Variants in RUFY1 observed in about 807,000 individuals in gnomAD.
The protein encoded by RUFY1 is RUN and FYVE domain-containing protein 1.
In RUFY1, 54 loss-of-function variants were observed where a neutral mutation model predicts 94.6. That is an observed-to-expected ratio of 0.57 (90% CI 0.46 to 0.72). The LOEUF (loss-of-function observed/expected upper bound fraction) is 0.72, where lower values mean the gene tolerates loss of function less well. Among genes scored for constraint, RUFY1 ranks in the 30% least tolerant of loss-of-function variants. The probability of loss-of-function intolerance (pLI) is 0.00; values close to 1 mark genes in which losing one functional copy is unlikely to be tolerated. For missense variants in RUFY1, 883 were observed against 883.9 expected (o/e 1.00, Z 0.01); for synonymous variants, 396 against 347.3 (o/e 1.14, Z -1.56).
chr5:179,584,093 A>G (rs1764410637), intron 7 of RUFY1, among the ~76,000 whole-genome samples: 1 of 152,254 alleles, frequency 6.6e-6, no homozygotes, highest in Admixed American at 6.5e-5. Flanking sequence ...TTTCTAAATT[A>G]TCAAGTTGGC....
chr5:179,551,289 C>A (rs1383126855), intron 1 of RUFY1, among the ~76,000 whole-genome samples: 2 of 152,230 alleles, frequency 1.3e-5, no homozygotes, highest in Non-Finnish European at 2.9e-5. Context: ...GCGGCGCCTC[C>A]GCTCACCTCT....
chr5:179,593,076 T>C (rs1482366622), intron 10 of RUFY1, among the ~76,000 whole-genome samples: 1 of 152,116 alleles, frequency 6.6e-6, no homozygotes, highest in African/African-American at 2.4e-5. Flanking sequence ...GTTTGTTTGT[T>C]TTGTTTTGGT....
intron 4 of RUFY1, among the ~76,000 whole-genome samples, chr5:179,568,733 T>C (rs1763010771): frequency 6.6e-6 from 1 of 152,232 alleles, no homozygotes; most frequent in South Asian, 2.1e-4. Flanking sequence ...AAAAGTCTTA[T>C]ACGCACACAC....
rs539413834 is a variant in RUFY1 at position 179,594,042 on chromosome 5, C to T, written c.1413+397C>T. Among the ~76,000 whole-genome samples the T allele has an allele frequency of 4.6e-5, 7 of 151,986 alleles. No homozygotes were observed. The East Asian group carries it at 5.8e-4, about 13-fold the overall frequency. On this transcript the variant is annotated intron_variant, in intron 11 of 17. Coordinates refer to ENST00000319449, the MANE Select transcript of RUFY1 (RefSeq NM_025158.5). ...ATTTAGAGCCAGGCACGGTGGCTCA[C>T]GCTTGTAATCCCAGCACTTTGGGAG...
intron 10 of RUFY1, among the ~76,000 whole-genome samples, chr5:179,592,091 C>T (rs1431271561): frequency 2.0e-5 from 3 of 151,410 alleles, no homozygotes; most frequent in East Asian, 1.9e-4. Flanking sequence ...ATTGCAGGCA[C>T]CCGCCACCAC....
At chr5:179,566,332 A>C (rs1038343966) in intron 3 of RUFY1, among the ~76,000 whole-genome samples, 1 of 151,962 alleles carries the variant, frequency 6.6e-6, no homozygotes, top group Non-Finnish European at 1.5e-5. Flanking sequence ...CACCTTCAAG[A>C]TTGGGGCCAG....
In RUFY1 at chr5:179,567,682, T is replaced by C; in HGVS notation, c.704+120T>C. On this transcript the variant is annotated intron_variant, in intron 4 of 17. Transcript: ENST00000319449. ...GGGAGGCCAAGATCAGGTGGATTGCTTGAGGTCCGGAGTTCAAGACCAGCC... is the reference window on the plus strand; with the variant it reads ...GGGAGGCCAAGATCAGGTGGATTGCCTGAGGTCCGGAGTTCAAGACCAGCC... The C allele has an allele frequency of 6.1e-6, 4 of 659,940 alleles. No individual in the cohort carries two copies. The Admixed American group carries it at 7.7e-5, about 13-fold the overall frequency. 40.9% of individuals were successfully genotyped at this position (659,940 alleles called of 1,614,324 possible).
At chr5:179,555,194 C>T (rs946944622) in intron 1 of RUFY1, among the ~76,000 whole-genome samples, 1 of 151,108 alleles carries the variant, frequency 6.6e-6, no homozygotes, top group East Asian at 2.0e-4. Flanking sequence ...AACATGCTGG[C>T]GGGGTGCAGG....
Position 179,550,569 on chromosome 5 carries a change from G to C in RUFY1, c.-1G>C, listed in dbSNP as rs895211583. The stretch of plus-strand genomic sequence containing the variant: ...CCGCTGGGTCACATGACACGGCCAA[G>C]ATGGCCGACCGGGAAGGCGGCTGCG... On this transcript the variant is annotated 5_prime_UTR_variant, in exon 1 of 18. Coordinates refer to ENST00000319449, the MANE Select transcript of RUFY1 (RefSeq NM_025158.5). The C allele has an allele frequency of 8.6e-6, 7 of 810,444 alleles. No homozygotes were observed. Among genetic ancestry groups the C allele is most frequent in the East Asian group, 5.7e-5 (1 of 17,500 alleles). The allele number at this position is 810,444 out of a possible 1,614,324, so 50.2% of individuals were successfully genotyped here.
intron 1 of RUFY1, among the ~76,000 whole-genome samples, chr5:179,558,370 C>G (rs973428326): frequency 2.6e-5 from 4 of 152,082 alleles, no homozygotes; most frequent in Non-Finnish European, 4.4e-5. Flanking sequence ...GTTGGAAGTT[C>G]GAGACCAGCC....
chr5:179,557,332 A>G (rs1254928331), intron 1 of RUFY1, among the ~76,000 whole-genome samples: 1 of 152,192 alleles, frequency 6.6e-6, no homozygotes, highest in Non-Finnish European at 1.5e-5. Context: ...GGGGAGGCTG[A>G]GGCAGGAGAA....
intron 6 of RUFY1, among the ~76,000 whole-genome samples, chr5:179,578,020 T>G (rs1160654444): frequency 6.6e-6 from 1 of 152,140 alleles, no homozygotes; most frequent in African/African-American, 2.4e-5. Flanking sequence ...CAGGTGAAAT[T>G]TCCCCATTCA....
chr5:179,581,876 T>C (rs1027505176), intron 7 of RUFY1, among the ~76,000 whole-genome samples: 2 of 151,562 alleles, frequency 1.3e-5, no homozygotes, highest in African/African-American at 2.4e-5. Context: ...GTAGAGACAG[T>C]GCTCCGCCAT....
At chr5:179,564,770 G>A (rs1762708250) in intron 3 of RUFY1, among the ~76,000 whole-genome samples, 1 of 150,042 alleles carries the variant, frequency 6.7e-6, no homozygotes, top group South Asian at 2.1e-4. Context: ...AATGACACAT[G>A]TACAGAATGA....
At chr5:179,592,462 C>T (rs968631223) in intron 10 of RUFY1, among the ~76,000 whole-genome samples, 1 of 152,138 alleles carries the variant, frequency 6.6e-6, no homozygotes, top group African/African-American at 2.4e-5. Context: ...CCATCTTGGG[C>T]AGGCTGGTCT....
chr5:179,553,986 C>T lies in RUFY1; in HGVS notation c.310+3107C>T, dbSNP rs558561885. The stretch of plus-strand genomic sequence containing the variant: ...GGTGGGAAAGGAAATGGGCCAAGGG[C>T]GGCTCGCTCTGCAGCGACACAAGAA... On this transcript the variant is annotated intron_variant, in intron 1 of 17. Coordinates refer to ENST00000319449, the MANE Select transcript of RUFY1 (RefSeq NM_025158.5). Among the ~76,000 whole-genome samples, 6 of 152,134 alleles carry T rather than the reference C, an allele frequency of 3.9e-5. No homozygotes were observed. The East Asian group carries it at 7.7e-4, about 20-fold the overall frequency.
chr5:179,577,471 C>T (rs1435133403), intron 6 of RUFY1, among the ~76,000 whole-genome samples: 2 of 151,512 alleles, frequency 1.3e-5, no homozygotes, highest in African/African-American at 4.9e-5. Context: ...AGCCACGTCA[C>T]ATTTTTAATA....
At chr5:179,571,304 C>G (rs553182752) in intron 5 of RUFY1, among the ~76,000 whole-genome samples, 26 of 151,988 alleles carry the variant, frequency 1.7e-4, no homozygotes, top group Non-Finnish European at 3.7e-4. Context: ...GAGACCAGCC[C>G]GGGCAAAATA....
chr5:179,598,508 C>G (rs1000862661), intron 13 of RUFY1, among the ~76,000 whole-genome samples, 184 bp from the exon 14 acceptor site: 1 of 152,202 alleles, frequency 6.6e-6, no homozygotes, highest in Non-Finnish European at 1.5e-5. Context: ...TTTTCTCTCC[C>G]TGGTTCCTGC....
Sources: gnomAD v4.1 joint callset for allele counts (sites outside exome capture counted in the v4.1 genomes callset) on GRCh38, gnomAD v4.1.1 for gene constraint, MANE v1.5 for transcripts, NCBI Gene and HGNC (gene_info 2026-07-23, HGNC 2026-07-21) for gene names.